GSTO2: variants seen among roughly 807,000 people sequenced by gnomAD.
GSTO2 encodes glutathione S-transferase omega-2.
A neutral mutation model predicts 28.4 loss-of-function variants in GSTO2; 23 were observed. The ratio of observed to expected loss-of-function variants is 0.81; its 90% CI spans 0.58 to 1.15. GSTO2 has a LOEUF of 1.15. Among genes scored for constraint, GSTO2 ranks in the 50% most tolerant of loss-of-function variants. GSTO2 has a pLI of 0.00. For synonymous variants in GSTO2, 109 were observed against 111.0 expected, an observed-to-expected ratio of 0.98 and a Z score of 0.11; for missense variants, 298 against 297.8, an observed-to-expected ratio of 1.00 and a Z score of 0.00.
At chr10:104,277,375 C>T (rs2011695146) in intron 3 of GSTO2, among the ~76,000 whole-genome samples, 1 of 151,974 alleles carries the variant, frequency 6.6e-6, no homozygotes, top group African/African-American at 2.4e-5. Flanking sequence ...CCTCCACCTC[C>T]CGGGTTCAAG....
Position 104,287,819 on chromosome 10 carries a change from AT to A in GSTO2, c.468+8358del, listed in dbSNP as rs1406490306. ...TCTTTTACATTATTTTCTGTGTTTG[AT>A]TTTTTTTTTAATGATGGGAATGTAT... On this transcript the variant is annotated intron_variant, in intron 5 of 6. Coordinates refer to ENST00000338595, the MANE Select transcript of GSTO2 (RefSeq NM_183239.2). Among the ~76,000 whole-genome samples the A allele has an allele frequency of 1.6e-4, 23 of 142,648 alleles. 1 individual carries two copies. Among genetic ancestry groups the A allele is most frequent in the East Asian group, 1.4e-3 (7 of 4,898 alleles). 93.6% of individuals were successfully genotyped at this position (142,648 alleles called of 152,430 possible).
intron 5 of GSTO2, among the ~76,000 whole-genome samples, chr10:104,293,563 A>ATTTTTTTTTTTTTTTTTTTTTGTT (rs2012879159): frequency 1.2e-5 from 1 of 81,652 alleles, no homozygotes. Flanking sequence ...CGCCTGGCCA[A>ATTTTTTTTTTTTTTTTTTTTTGTT]TTTTTTTTTT....
At chr10:104,283,728 A>G (rs1359349135) in intron 5 of GSTO2, among the ~76,000 whole-genome samples, 2 of 152,252 alleles carry the variant, frequency 1.3e-5, no homozygotes, top group African/African-American at 4.8e-5. Context: ...TTTAAATGCC[A>G]AAATATTTAT....
At chr10:104,279,745 C>T (rs1249939357) in intron 5 of GSTO2, among the ~76,000 whole-genome samples, 3 of 152,178 alleles carry the variant, frequency 2.0e-5, no homozygotes, top group Non-Finnish European at 4.4e-5. Flanking sequence ...GCTTCTGTAG[C>T]TTCTGCCAAT....
chr10:104,301,391 G>A lies in GSTO2; in HGVS notation c.*2107G>A, dbSNP rs1312393702. 6.6e-6 allele frequency: 1 copy of A among 152,212 alleles called. No homozygotes were observed. Among genetic ancestry groups the A allele is most frequent in the Non-Finnish European group, 1.5e-5 (1 of 68,048 alleles). The allele number at this position is 152,212 out of a possible 1,614,324, so 9.4% of individuals were successfully genotyped here. ...AGCCTGGTGGCCTATAGCCCAGTTTGGGATTTGAGTGCCTCTTGGCCAGGC... is the reference window on the plus strand; with the variant it reads ...AGCCTGGTGGCCTATAGCCCAGTTTAGGATTTGAGTGCCTCTTGGCCAGGC... On this transcript the variant is annotated 3_prime_UTR_variant, in exon 7 of 7. Coordinates refer to ENST00000338595, the MANE Select transcript of GSTO2 (RefSeq NM_183239.2).
In GSTO2 at chr10:104,300,600, G is replaced by C. The variant is rs543451066; in HGVS notation, c.*1316G>C. The stretch of plus-strand genomic sequence containing the variant: ...AGCTGAGGATGGCTGGTGCCAACAG[G>C]TCCCTTGGGCTGGGAGCATCTACTG... On this transcript the variant is annotated 3_prime_UTR_variant, in exon 7 of 7. Transcript: ENST00000338595. 6.6e-6 allele frequency: 1 copy of C among 152,326 alleles called. No individual in the cohort carries two copies. The allele number at this position is 152,326 out of a possible 1,614,324, so 9.4% of individuals were successfully genotyped here.
chr10:104,302,665 G>C lies in GSTO2; in HGVS notation c.*3381G>C, dbSNP rs963690333. Reference sequence around the variant, plus strand: ...TGAAATGTAATCCCCAATGCTGGTGGGAGGTGATTGGATCATGGGGGTAGA... The same window carrying C: ...TGAAATGTAATCCCCAATGCTGGTGCGAGGTGATTGGATCATGGGGGTAGA... On this transcript the variant is annotated 3_prime_UTR_variant, in exon 7 of 7. Transcript: ENST00000338595. 3 of 152,230 alleles carry C rather than the reference G, an allele frequency of 2.0e-5. No homozygotes were observed. The highest frequency in any genetic ancestry group is 7.2e-5 in the African/African-American group (3 of 41,444). The allele number at this position is 152,230 out of a possible 1,614,324, so 9.4% of individuals were successfully genotyped here.
intron 4 of GSTO2, among the ~76,000 whole-genome samples, chr10:104,278,514 C>T (rs2135100308): frequency 6.6e-6 from 1 of 152,304 alleles, no homozygotes; most frequent in African/African-American, 2.4e-5. Context: ...CGGAGTCTCG[C>T]TCTGTCACCC....
chr10:104,292,153 G>A (rs751496613), intron 5 of GSTO2, among the ~76,000 whole-genome samples: 5 of 151,956 alleles, frequency 3.3e-5, no homozygotes, highest in Non-Finnish European at 5.9e-5. Context: ...CTGAAAGTGA[G>A]GGATGCCATT....
At position 104,299,795 on chromosome 10, in the gene GSTO2, A is replaced by G. The variant is rs45468393; in HGVS notation, c.*511A>G. Reference sequence around the variant, plus strand: ...CCTGCCTAGCCTGTAGCTTCTAACTATTTTCTAGAAAGTGCCTGGTGCTAA... The same window carrying G: ...CCTGCCTAGCCTGTAGCTTCTAACTGTTTTCTAGAAAGTGCCTGGTGCTAA... On this transcript the variant is annotated 3_prime_UTR_variant, in exon 7 of 7. Transcript: ENST00000338595. The G allele has an allele frequency of 2.1e-3, 348 of 162,212 alleles. No individual in the cohort carries two copies. The highest frequency in any genetic ancestry group is 3.8e-3 in the Non-Finnish European group (282 of 75,086). 10.0% of individuals were successfully genotyped at this position (162,212 alleles called of 1,614,324 possible). A position where few individuals can be genotyped will look rare whatever the true frequency, so the allele number is the denominator to read the frequency against.
chr10:104,300,878 A>G lies in GSTO2; in HGVS notation c.*1594A>G, dbSNP rs2013238009. ...CCCCACGTCTCAGTCTGGCCCTGCC[A>G]TCTGCTGGCTCTGGGTATATTTTGA... On this transcript the variant is annotated 3_prime_UTR_variant, in exon 7 of 7. Coordinates refer to ENST00000338595, the MANE Select transcript of GSTO2 (RefSeq NM_183239.2). The G allele has an allele frequency of 6.6e-6, 1 of 152,530 alleles. No individual in the cohort carries two copies. Among genetic ancestry groups the G allele is most frequent in the African/African-American group, 2.4e-5 (1 of 41,460 alleles). 9.4% of individuals were successfully genotyped at this position (152,530 alleles called of 1,614,324 possible).
chr10:104,297,964 G>A (rs111724254), intron 6 of GSTO2, among the ~76,000 whole-genome samples: 4 of 152,236 alleles, frequency 2.6e-5, no homozygotes, highest in South Asian at 2.1e-4. Flanking sequence ...CCACATGGCC[G>A]GTCTGAGAGC....
At chr10:104,285,025 C>T (rs912278095) in intron 5 of GSTO2, among the ~76,000 whole-genome samples, 4 of 152,222 alleles carry the variant, frequency 2.6e-5, no homozygotes, top group East Asian at 1.9e-4. Flanking sequence ...TTCGTCTGCC[C>T]GTGGCCACAG....
In GSTO2 at chr10:104,275,069, T is replaced by G. The variant is rs1589856095; in HGVS notation, c.34+120T>G. The G allele has an allele frequency of 2.0e-6, 3 of 1,493,600 alleles. No individual in the cohort carries two copies. The South Asian group carries it at 4.0e-5, about 20-fold the overall frequency. The allele number at this position is 1,493,600 out of a possible 1,614,324, so 92.5% of individuals were successfully genotyped here. A position where few individuals can be genotyped will look rare whatever the true frequency, so the allele number is the denominator to read the frequency against. Reference sequence around the variant, plus strand: ...CGGGGCAGGAAGGGACTTGGAGGGCTCTCCTGAAGAAAAGCCACATGCAGC... The same window carrying G: ...CGGGGCAGGAAGGGACTTGGAGGGCGCTCCTGAAGAAAAGCCACATGCAGC... On this transcript the variant is annotated intron_variant, in intron 2 of 6. Coordinates refer to ENST00000338595, the MANE Select transcript of GSTO2 (RefSeq NM_183239.2).
intron 3 of GSTO2, among the ~76,000 whole-genome samples, chr10:104,277,459 A>G (rs2011700402): frequency 6.6e-6 from 1 of 151,852 alleles, no homozygotes; most frequent in African/African-American, 2.4e-5. Context: ...ACTTTTTTGT[A>G]TTTTTTAGTA....
rs542786942 is a variant in GSTO2, at chr10:104,299,513, C to T, written c.*229C>T. ...TTTTTTTTGAGGCAAGATCTTGCTT[C>T]GTTACTCAGGCTGGAGTGCAGTGGG... On this transcript the variant is annotated 3_prime_UTR_variant, in exon 7 of 7. Coordinates refer to ENST00000338595, the MANE Select transcript of GSTO2 (RefSeq NM_183239.2). The T allele has an allele frequency of 3.4e-5, 16 of 468,600 alleles. No homozygotes were observed. Among genetic ancestry groups the T allele is most frequent in the East Asian group, 2.1e-4 (5 of 23,320 alleles). 29.0% of individuals were successfully genotyped at this position (468,600 alleles called of 1,614,324 possible). A position where few individuals can be genotyped will look rare whatever the true frequency, so the allele number is the denominator to read the frequency against.
chr10:104,272,784 T>C (rs1035029767), intron 1 of GSTO2, among the ~76,000 whole-genome samples: 4 of 151,488 alleles, frequency 2.6e-5, no homozygotes, highest in Non-Finnish European at 5.9e-5. Context: ...CGGCTAATTT[T>C]TGTGTTTTTA....
At chr10:104,297,935 G>T (rs1270235400) in intron 6 of GSTO2, among the ~76,000 whole-genome samples, 1 of 152,124 alleles carries the variant, frequency 6.6e-6, no homozygotes, top group African/African-American at 2.4e-5. Flanking sequence ...TTCAGAGCCT[G>T]CTGTCCTCAC....
At chr10:104,296,958 CAG>C (rs2013068410) in intron 5 of GSTO2, 1 of 152,234 alleles carries the variant, frequency 6.6e-6, no homozygotes, top group African/African-American at 2.4e-5. Context: ...TTTGTATTTT[CAG>C]TAGAGACGGG....
Sources: allele counts gnomAD v4.1 joint callset (sites outside exome capture counted in the v4.1 genomes callset), GRCh38; gene constraint gnomAD v4.1.1; transcripts MANE v1.5; gene names NCBI Gene and HGNC (gene_info 2026-07-23, HGNC 2026-07-21).